Variants in FRMD5 observed in about 807,000 individuals in gnomAD.
FRMD5 encodes the protein FERM domain containing 5.
In FRMD5, 20 loss-of-function variants were observed where a neutral mutation model predicts 69.0. The ratio of observed to expected loss-of-function variants is 0.29; its 90% CI spans 0.20 to 0.42. The LOEUF is 0.42. FRMD5 is among the 10% of genes least tolerant of loss of function. The pLI, the probability that FRMD5 is intolerant of heterozygous loss-of-function variation, is 1.00. For missense variants in FRMD5, 595 were observed against 708.6 expected (o/e 0.84, Z 1.82); for synonymous variants, 271 against 260.1 (o/e 1.04, Z -0.40).
intron 1 of FRMD5, among the ~76,000 whole-genome samples, chr15:44,049,683 A>G (rs2140341676): frequency 6.6e-6 from 1 of 152,350 alleles, no homozygotes; most frequent in Non-Finnish European, 1.5e-5. Flanking sequence ...CTCCATTTGC[A>G]TTTAAAATCC....
Position 43,984,109 on chromosome 15 carries a change from A to C in FRMD5, c.103-59800T>G, listed in dbSNP as rs547204877. Among the ~76,000 whole-genome samples the C allele has an allele frequency of 2.0e-5, 3 of 152,300 alleles. No individual in the cohort carries two copies. In the South Asian group the frequency reaches 6.2e-4, roughly 32 times the overall value. On this transcript the variant is annotated intron_variant, in intron 1 of 13. Coordinates refer to ENST00000417257, the MANE Select transcript of FRMD5 (RefSeq NM_032892.5). ...CATTAACGTTGCTATTATACATACT[A>C]TTCAACATTCCCCATTCATTTTTCA...
intron 1 of FRMD5, among the ~76,000 whole-genome samples, chr15:44,078,215 T>C (rs780485333): frequency 9.5e-4 from 144 of 152,240 alleles, no homozygotes; most frequent in Non-Finnish European, 1.7e-3. Context: ...AAAGAAAATA[T>C]CTTTTCAAAT....
intron 1 of FRMD5, among the ~76,000 whole-genome samples, chr15:44,114,263 T>C (rs1467208201): frequency 6.6e-6 from 1 of 152,222 alleles, no homozygotes; most frequent in Non-Finnish European, 1.5e-5. Context: ...GGATACTGAC[T>C]CAGCAGGCAT....
At chr15:44,094,182 G>C (rs1422741943) in intron 1 of FRMD5, among the ~76,000 whole-genome samples, 1 of 152,158 alleles carries the variant, frequency 6.6e-6, no homozygotes, top group East Asian at 1.9e-4. Flanking sequence ...GAGTTACTCA[G>C]GTACTGCAGC....
intron 1 of FRMD5, among the ~76,000 whole-genome samples, chr15:44,104,279 T>C (rs866747116): frequency 6.6e-6 from 1 of 152,234 alleles, no homozygotes; most frequent in Non-Finnish European, 1.5e-5. Flanking sequence ...AAGCTAGGTG[T>C]TATTATAAAA....
intron 2 of FRMD5, among the ~76,000 whole-genome samples, chr15:43,923,924 A>C (rs549148204): frequency 1.3e-4 from 20 of 152,306 alleles, no homozygotes; most frequent in Non-Finnish European, 1.8e-4. Flanking sequence ...GGGCTCCGAG[A>C]CCACAACTCC....
chr15:43,874,183 A>G lies in FRMD5; in HGVS notation c.1415T>C (p.Val472Ala). 6.2e-7 allele frequency: 1 copy of G among 1,614,094 alleles called. No individual in the cohort carries two copies. The highest frequency in any genetic ancestry group is 1.1e-5 in the South Asian group (1 of 91,080). Residue 472 changes from valine to alanine, a missense_variant, in exon 14 of 14, where the codon GTG becomes GCG. Transcript: ENST00000417257. Reference protein sequence around the residue: ...SEASTPTATEVEALGGELRAL... With the variant: ...SEASTPTATEAEALGGELRAL... Reference sequence around the variant, plus strand: ...CCTCAGCTCTCCCCCAAGGGCCTCCACCTCTGTAGCAGTTGGGGTGCTGGC... The same window carrying G: ...CCTCAGCTCTCCCCCAAGGGCCTCCGCCTCTGTAGCAGTTGGGGTGCTGGC...
chr15:44,034,814 T>G (rs143905403), intron 1 of FRMD5, among the ~76,000 whole-genome samples: 1 of 152,288 alleles, frequency 6.6e-6, no homozygotes, highest in Non-Finnish European at 1.5e-5. Context: ...CAAACACCGA[T>G]GAGTTCTACA....
chr15:43,987,434 C>T (rs1889445370), intron 1 of FRMD5, among the ~76,000 whole-genome samples: 1 of 152,214 alleles, frequency 6.6e-6, no homozygotes, highest in Admixed American at 6.5e-5. Flanking sequence ...AACAGCGGTC[C>T]TCAACCTTTT....
chr15:44,172,847 A>T (rs1041847877), intron 1 of FRMD5, among the ~76,000 whole-genome samples: 5 of 152,240 alleles, frequency 3.3e-5, no homozygotes, highest in African/African-American at 1.2e-4. Context: ...AAGAAAAGGA[A>T]ATAACACTAA....
intron 1 of FRMD5, among the ~76,000 whole-genome samples, chr15:44,076,411 G>A (rs1893767946): frequency 6.8e-6 from 1 of 147,546 alleles, no homozygotes; most frequent in African/African-American, 2.5e-5. Flanking sequence ...AAGAAAATGT[G>A]GCACATATAC....
intron 1 of FRMD5, among the ~76,000 whole-genome samples, chr15:44,096,778 G>A (rs1478888303): frequency 1.3e-5 from 2 of 152,074 alleles, no homozygotes; most frequent in African/African-American, 4.8e-5. Context: ...CCTTGACCCA[G>A]CCCATTTCAC....
At chr15:44,033,030 A>G (rs1891752660) in intron 1 of FRMD5, among the ~76,000 whole-genome samples, 1 of 152,236 alleles carries the variant, frequency 6.6e-6, no homozygotes, top group South Asian at 2.1e-4. Context: ...ATGCAGCCAT[A>G]AAAAAGAACA....
At chr15:44,197,427 T>C (rs540797731), upstream of FRMD5, among the ~76,000 whole-genome samples, 3 of 152,020 alleles carry the variant, frequency 2.0e-5, no homozygotes, top group South Asian at 6.2e-4. Context: ...CTCACACCTG[T>C]AATCCCAGTA....
chr15:43,973,512 T>G (rs1308837617), intron 1 of FRMD5, among the ~76,000 whole-genome samples: 2 of 151,184 alleles, frequency 1.3e-5, no homozygotes, highest in Non-Finnish European at 2.9e-5. Flanking sequence ...GGATTACAGG[T>G]GCCCACCACC....
intron 1 of FRMD5, among the ~76,000 whole-genome samples, chr15:44,160,529 GC>G (rs1231651018): frequency 1.3e-5 from 2 of 152,168 alleles, no homozygotes; most frequent in African/African-American, 4.8e-5. Flanking sequence ...TTTAGCAAAA[GC>G]AAAACATTGC....
intron 13 of FRMD5, among the ~76,000 whole-genome samples, chr15:43,881,395 C>G (rs547036641): frequency 1.2e-4 from 18 of 152,174 alleles, no homozygotes; most frequent in Non-Finnish European, 2.5e-4. Context: ...CCGGGTCAGC[C>G]TAAGATGGGA....
intron 1 of FRMD5, among the ~76,000 whole-genome samples, chr15:44,112,211 A>C (rs1169507207): frequency 6.6e-6 from 1 of 152,066 alleles, no homozygotes; most frequent in African/African-American, 2.4e-5. Context: ...TTATTTTTGT[A>C]TTTTAAAGTT....
chr15:44,123,815 T>C (rs1232924095), intron 1 of FRMD5, among the ~76,000 whole-genome samples: 1 of 152,152 alleles, frequency 6.6e-6, no homozygotes, highest in African/African-American at 2.4e-5. Flanking sequence ...ATTAAAGAAA[T>C]GCTAATTAAA....
Sources: allele counts gnomAD v4.1 joint callset (sites outside exome capture counted in the v4.1 genomes callset), GRCh38; gene constraint gnomAD v4.1.1; transcripts MANE v1.5; gene names NCBI Gene and HGNC (gene_info 2026-07-23, HGNC 2026-07-21).